Variants in ERP29 observed in about 807,000 individuals in gnomAD.
The protein encoded by ERP29 is endoplasmic reticulum protein 29.
A neutral mutation model predicts 21.7 loss-of-function variants in ERP29; 14 were observed. The ratio of observed to expected loss-of-function variants is 0.64; its 90% CI spans 0.43 to 1.01. ERP29 has a LOEUF of 1.01. ERP29 is among the 50% of genes least tolerant of loss of function. ERP29 has a pLI of 0.00. For missense variants in ERP29, 286 were observed against 327.3 expected (o/e 0.87, Z 0.97); for synonymous variants, 129 against 139.1 (o/e 0.93, Z 0.51).
intron 1 of ERP29, among the ~76,000 whole-genome samples, chr12:112,016,500 A>T (rs2078013385): frequency 6.6e-6 from 1 of 152,190 alleles, no homozygotes; most frequent in African/African-American, 2.4e-5. Flanking sequence ...TGAATAATGA[A>T]CTTATCTATA....
chr12:112,019,490 A>AATAC, intron 1 of ERP29: 1 of 478,050 alleles, frequency 2.1e-6, no homozygotes, highest in Non-Finnish European at 3.8e-6. Context: ...AGGCCTTAGT[A>AATAC]TGTCTGCAGC....
At chr12:112,020,782 C>T (rs1010659704) in intron 2 of ERP29, among the ~76,000 whole-genome samples, 10 of 152,298 alleles carry the variant, frequency 6.6e-5, no homozygotes, top group Admixed American at 2.6e-4. Flanking sequence ...CGTGCCAGGC[C>T]GCTGTGCTGA....
rs192249992 is a variant in ERP29 at position 112,022,531 on chromosome 12, C to T, written c.665C>T (p.Thr222Ile). 6 of 1,614,120 alleles carry T rather than the reference C, an allele frequency of 3.7e-6. No individual in the cohort carries two copies. In the African/African-American group the frequency reaches 5.3e-5, roughly 14 times the overall value. ...GAGGACTTCCCAGCATCAGAGATGA[C>T]ACGGATCGCCAGGCTGATTGAGAAG... ...QGEDFPASEM[T>I]RIARLIEKNK... The change falls in exon 3 of 3, where the codon ACA becomes ATA. Residue 222 changes from threonine to isoleucine, a missense_variant. Transcript: ENST00000261735.
At position 112,019,861 on chromosome 12, in the gene ERP29, G is replaced by T. The variant is rs1175321123; in HGVS notation, c.250G>T (p.Asp84Tyr). The part of the protein sequence containing the change: ...KRLAENSASS[D>Y]DLLVAEVGIS... ...TCTTGCTGAAAACTCGGCTTCCAGC[G>T]ATGATCTCTTGGTGGCAGAGGTGGG... The change falls in exon 2 of 3, where the codon GAT (aspartate) becomes TAT (tyrosine). Residue 84 changes from aspartate to tyrosine, a missense_variant. Physicochemically the swap from Asp to Tyr is radical, Grantham distance 160. Coordinates refer to ENST00000261735, the MANE Select transcript of ERP29 (RefSeq NM_006817.4). The T allele has an allele frequency of 6.2e-7, 1 of 1,613,982 alleles. No individual in the cohort carries two copies. Among genetic ancestry groups the T allele is most frequent in the East Asian group, 2.2e-5 (1 of 44,892 alleles).
chr12:112,022,207 G>A lies in ERP29; in HGVS notation c.341G>A (p.Ser114Asn), dbSNP rs762307012. ...LSEKYKLDKE[S>N]YPVFYLFRDG... ...GAGAAATACAAGCTGGACAAAGAGA[G>A]CTACCCAGTCTTCTACCTCTTCCGG... The change falls in exon 3 of 3, where the codon AGC (serine) becomes AAC (asparagine). Residue 114 changes from serine (S) to asparagine (N), a missense_variant. Transcript: ENST00000261735. 6.2e-6 allele frequency: 10 copies of A among 1,614,176 alleles called. No individual in the cohort carries two copies. The highest frequency in any genetic ancestry group is 8.5e-6 in the Non-Finnish European group (10 of 1,179,998).
intron 1 of ERP29, among the ~76,000 whole-genome samples, chr12:112,015,637 A>C (rs2078007244): frequency 6.6e-6 from 1 of 152,162 alleles, no homozygotes; most frequent in Admixed American, 6.5e-5. Context: ...ATATCACAGA[A>C]CAAGTGTGAC....
At chr12:112,015,922 G>A (rs1010061204) in intron 1 of ERP29, among the ~76,000 whole-genome samples, 1 of 152,182 alleles carries the variant, frequency 6.6e-6, no homozygotes, top group African/African-American at 2.4e-5. Context: ...CCCAAACTTT[G>A]AAAGGCTAGT....
intron 1 of ERP29, among the ~76,000 whole-genome samples, chr12:112,017,788 T>TC (rs1227902260): frequency 6.8e-6 from 1 of 147,132 alleles, no homozygotes; most frequent in African/African-American, 2.6e-5. Context: ...TTTTTCTTTT[T>TC]TTTTTTTTTT....
rs187484275 is a variant in ERP29 at position 112,016,760 on chromosome 12, G to A, written c.145-2996G>A. Among the ~76,000 whole-genome samples, 49 of 152,136 alleles carry A rather than the reference G, an allele frequency of 3.2e-4. 1 individual carries two copies. In the East Asian group the frequency reaches 5.2e-3, roughly 16 times the overall value. ...AAAAAAATTAGCCGGACGTGGTGGC[G>A]GGCACCTGTAGTCCCAGCTACTTGG... On this transcript the variant is annotated intron_variant, in intron 1 of 2. Coordinates refer to ENST00000261735, the MANE Select transcript of ERP29 (RefSeq NM_006817.4).
intron 1 of ERP29, among the ~76,000 whole-genome samples, chr12:112,017,170 T>C (rs1373272115): frequency 6.6e-6 from 1 of 152,222 alleles, no homozygotes; most frequent in Non-Finnish European, 1.5e-5. Flanking sequence ...TGTCAGAGTA[T>C]TGTTCATTCA....
Position 112,022,521 on chromosome 12 carries a change from T to A in ERP29, c.655T>A (p.Ser219Thr). 6.2e-7 allele frequency: 1 copy of A among 1,614,048 alleles called. No homozygotes were observed. Among genetic ancestry groups the A allele is most frequent in the South Asian group, 1.1e-5 (1 of 91,078 alleles). The change falls in exon 3 of 3, where the codon TCA becomes ACA. Residue 219 changes from serine (S) to threonine (T), a missense_variant. By Grantham distance (58) the Ser-to-Thr change is moderately conservative. Transcript: ENST00000261735. ...AGACCAAGGGGAGGACTTCCCAGCA[T>A]CAGAGATGACACGGATCGCCAGGCT... ...ILDQGEDFPASEMTRIARLIE... is the reference protein window; with the variant it reads ...ILDQGEDFPATEMTRIARLIE...
At chr12:112,021,515 CTTTTTT>C (rs1164185865) in intron 2 of ERP29, among the ~76,000 whole-genome samples, 6 of 70,050 alleles carry the variant, frequency 8.6e-5, no homozygotes, top group African/African-American at 2.9e-4. Flanking sequence ...GCTTAATAGT[CTTTTTT>C]TTTTTTTTTT....
intron 1 of ERP29, among the ~76,000 whole-genome samples, chr12:112,016,461 A>G (rs12297977): frequency 0.027 from 4,148 of 152,276 alleles, 206 homozygotes; most frequent in African/African-American, 0.092. Context: ...GCAGGCCTTT[A>G]GTAACTTTTT....
At chr12:112,014,281 T>TA (rs2077979176) in intron 1 of ERP29, among the ~76,000 whole-genome samples, 1 of 152,222 alleles carries the variant, frequency 6.6e-6, no homozygotes, top group Non-Finnish European at 1.5e-5. Flanking sequence ...CGCCTCCTGT[T>TA]ACATCAGCTG....
intron 2 of ERP29, among the ~76,000 whole-genome samples, chr12:112,021,772 C>T (rs376366295): frequency 2.0e-5 from 3 of 151,814 alleles, no homozygotes; most frequent in African/African-American, 4.8e-5. Context: ...GTGATCTGTC[C>T]GCCTCGGCCT....
At chr12:112,016,267 G>A (rs565402767) in intron 1 of ERP29, among the ~76,000 whole-genome samples, 3 of 152,268 alleles carry the variant, frequency 2.0e-5, no homozygotes, top group East Asian at 3.9e-4. Context: ...CTTCCATCAC[G>A]ACTGAACCAA....
intron 2 of ERP29, 121 bp downstream of exon 2, chr12:112,020,015 A>T: frequency 8.1e-7 from 1 of 1,231,992 alleles, no homozygotes; most frequent in South Asian, 1.3e-5. Flanking sequence ...GAGTGTAAGT[A>T]AACAGGTTCA....
chr12:112,016,752 G>A (rs371430976), intron 1 of ERP29, among the ~76,000 whole-genome samples: 90 of 152,200 alleles, frequency 5.9e-4, no homozygotes, highest in African/African-American at 2.0e-3. Context: ...TTAGCCGGAC[G>A]TGGTGGCGGG....
At chr12:112,018,884 CT>C (rs1008280174) in intron 1 of ERP29, 45 of 152,094 alleles carry the variant, frequency 3.0e-4, no homozygotes, top group African/African-American at 1.1e-3. Flanking sequence ...TGAAAACATG[CT>C]AAGTGAAAAA....
Sources: gnomAD v4.1 joint callset for allele counts (sites outside exome capture counted in the v4.1 genomes callset) on GRCh38, gnomAD v4.1.1 for gene constraint, MANE v1.5 for transcripts, NCBI Gene and HGNC (gene_info 2026-07-23, HGNC 2026-07-21) for gene names.